BPI: variants seen among roughly 807,000 people sequenced by gnomAD.
BPI encodes the protein bactericidal permeability-increasing protein.
A neutral mutation model predicts 57.6 loss-of-function variants in BPI; 48 were observed. The ratio of observed to expected loss-of-function variants is 0.83; its 90% CI spans 0.66 to 1.06. The LOEUF is 1.06. Ranked by LOEUF, BPI falls within the 50% of genes least tolerant of loss-of-function variation. The probability of loss-of-function intolerance (pLI) is 0.00; values close to 1 mark genes in which losing one functional copy is unlikely to be tolerated. For synonymous variants in BPI, 237 were observed against 238.2 expected (o/e 0.99, Z 0.05); for missense variants, 651 against 609.7 (o/e 1.07, Z -0.71).
intron 5 of BPI, among the ~76,000 whole-genome samples, chr20:38,316,182 C>A (rs1763926754): frequency 1.3e-5 from 2 of 152,004 alleles, no homozygotes; most frequent in Admixed American, 1.3e-4. Flanking sequence ...CTCCTTTTCT[C>A]CCTTTCTTCC....
intron 12 of BPI, 96 bp downstream of exon 12, chr20:38,331,186 T>C: frequency 2.9e-6 from 4 of 1,393,478 alleles, no homozygotes; most frequent in Non-Finnish European, 4.0e-6. Context: ...AAGAGGCTAC[T>C]GGCTCATTTG....
At position 38,335,653 on chromosome 20, in the gene BPI, C is replaced by T. The variant is rs5743543; in HGVS notation, c.1392C>T (p.Asn464=). ...LPTPARVQLY[N]VVLQPHQNFL... Reference sequence around the variant, plus strand: ...CGCCGGCCAGAGTCCAGCTCTACAACGTAGTGCTTCAGCCTCACCAGGTGA... The same window carrying T: ...CGCCGGCCAGAGTCCAGCTCTACAATGTAGTGCTTCAGCCTCACCAGGTGA... The change falls in exon 14 of 15, where the codon AAC becomes AAT. Residue 464 remains asparagine, a synonymous_variant. Coordinates refer to ENST00000642449, the MANE Select transcript of BPI (RefSeq NM_001725.3). 4.5e-4 allele frequency: 724 copies of T among 1,614,138 alleles called. 7 individuals are homozygous for T. In the African/African-American group the frequency reaches 8.1e-3, roughly 18 times the overall value.
chr20:38,321,312 T>C (rs1411158960), intron 7 of BPI, among the ~76,000 whole-genome samples: 1 of 150,728 alleles, frequency 6.6e-6, no homozygotes, highest in Non-Finnish European at 1.5e-5. Context: ...GATGGATAGA[T>C]GGAGTTTTAT....
At chr20:38,306,395 A>G (rs1168711470) in intron 1 of BPI, among the ~76,000 whole-genome samples, 1 of 152,254 alleles carries the variant, frequency 6.6e-6, no homozygotes, top group Non-Finnish European at 1.5e-5. Flanking sequence ...TAAGGGACAC[A>G]CGAGTAAATA....
chr20:38,333,157 C>G (rs1447909661), intron 12 of BPI, among the ~76,000 whole-genome samples: 1 of 152,072 alleles, frequency 6.6e-6, no homozygotes, highest in Non-Finnish European at 1.5e-5. Flanking sequence ...GGACCAAATG[C>G]AACCTCACTG....
chr20:38,314,218 T>C, intron 5 of BPI, among the ~76,000 whole-genome samples: 1 of 144,502 alleles, frequency 6.9e-6, no homozygotes, highest in Non-Finnish European at 1.5e-5. Context: ...ATGATGATGG[T>C]GGTGATGGTA....
In BPI at chr20:38,304,218, G is replaced by C. The variant is rs199723457; in HGVS notation, c.-6G>C. On this transcript the variant is annotated 5_prime_UTR_variant, in exon 1 of 15. Coordinates refer to ENST00000642449, the MANE Select transcript of BPI (RefSeq NM_001725.3). Reference sequence around the variant, plus strand: ...GTTTTGGCAGCTCTGGAGGATGAGAGAGAACATGGCCAGGGGCCCTTGCAA... The same window carrying C: ...GTTTTGGCAGCTCTGGAGGATGAGACAGAACATGGCCAGGGGCCCTTGCAA... 1 of 1,614,032 alleles carries C rather than the reference G, an allele frequency of 6.2e-7. No individual in the cohort carries two copies. Among genetic ancestry groups the C allele is most frequent in the African/African-American group, 1.3e-5 (1 of 74,928 alleles).
chr20:38,316,541 A>T (rs553467130), intron 5 of BPI, among the ~76,000 whole-genome samples: 1 of 152,284 alleles, frequency 6.6e-6, no homozygotes, highest in South Asian at 2.1e-4. Flanking sequence ...ACAGATGCTG[A>T]GTCAGGGTTT....
rs1473820246 is a variant in BPI, at chr20:38,320,220, T to C, written c.702T>C (p.Tyr234=). The C allele has an allele frequency of 6.2e-7, 1 of 1,613,990 alleles. No homozygotes were observed. The highest frequency in any genetic ancestry group is 1.3e-5 in the African/African-American group (1 of 74,902). Residue 234 remains tyrosine (Y), a synonymous_variant, in exon 7 of 15, where the codon TAT becomes TAC. Coordinates refer to ENST00000642449, the MANE Select transcript of BPI (RefSeq NM_001725.3). ...TAGATTCTGTGGCTGGAATCAACTATGGTCTGGTGGCACCTCCAGCAACCA... is the reference window on the plus strand; with the variant it reads ...TAGATTCTGTGGCTGGAATCAACTACGGTCTGGTGGCACCTCCAGCAACCA... The part of the protein sequence containing the change: ...TKIDSVAGIN[Y]GLVAPPATTA...
rs1049240222 is a variant in BPI at position 38,318,388 on chromosome 20, T to G, written c.601-25T>G. The G allele has an allele frequency of 5.0e-6, 8 of 1,600,450 alleles. No homozygotes were observed. In the Admixed American group the frequency reaches 8.3e-5, roughly 17 times the overall value. Reference sequence around the variant, plus strand: ...ATTTTTCACTATGGGAAGACCTTACTGATTACTTGTTTGGTTCTCCCCAGG... The same window carrying G: ...ATTTTTCACTATGGGAAGACCTTACGGATTACTTGTTTGGTTCTCCCCAGG... On this transcript the variant is annotated intron_variant, in intron 5 of 14. Transcript: ENST00000642449.
At chr20:38,326,473 A>G (rs1277915307) in intron 10 of BPI, 41 bp downstream of exon 10, 2 of 1,571,464 alleles carry the variant, frequency 1.3e-6, no homozygotes, top group Admixed American at 1.8e-5. Context: ...AGCCCCAGAC[A>G]GTCCCAACAG....
intron 5 of BPI, among the ~76,000 whole-genome samples, chr20:38,314,865 TGATGG>T (rs2076644755): frequency 6.6e-6 from 1 of 151,450 alleles, no homozygotes; most frequent in African/African-American, 2.4e-5. Flanking sequence ...ATGATGATGA[TGATGG>T]TGATGGTGAT....
chr20:38,322,185 AT>A (rs199673897), intron 7 of BPI, among the ~76,000 whole-genome samples: 4 of 150,992 alleles, frequency 2.6e-5, no homozygotes, highest in East Asian at 1.9e-4. Context: ...TGGGCTTTCC[AT>A]TTTTTTTTCC....
chr20:38,328,892 G>T (rs1359245821), intron 11 of BPI, among the ~76,000 whole-genome samples: 2 of 151,982 alleles, frequency 1.3e-5, no homozygotes, highest in African/African-American at 4.8e-5. Context: ...TGGGGTCCCA[G>T]CTACTCGAGA....
chr20:38,305,408 T>G (rs1022183700), intron 1 of BPI, among the ~76,000 whole-genome samples: 1 of 152,026 alleles, frequency 6.6e-6, no homozygotes, highest in Admixed American at 6.6e-5. Context: ...CCAATCGGAG[T>G]GAGTTTTCTG....
intron 1 of BPI, 23 bp from the exon 2 acceptor site, chr20:38,307,544 T>C (rs1218693138): frequency 1.3e-6 from 2 of 1,566,246 alleles, no homozygotes; most frequent in South Asian, 2.3e-5. Context: ...CCTCTCACTG[T>C]CACCCCTGCC....
In BPI at chr20:38,318,449, C is replaced by T; in HGVS notation, c.637C>T (p.Leu213=). ...EKVTNSVSSE[L]QPYFQTLPVM... ...AGTGACCAATTCTGTATCCTCCGAGCTGCAACCTTATTTCCAGACTCTGCC... is the reference window on the plus strand; with the variant it reads ...AGTGACCAATTCTGTATCCTCCGAGTTGCAACCTTATTTCCAGACTCTGCC... Residue 213 remains leucine (L), a synonymous_variant, in exon 6 of 15, where the codon CTG becomes TTG. Coordinates refer to ENST00000642449, the MANE Select transcript of BPI (RefSeq NM_001725.3). 1 of 1,613,842 alleles carries T rather than the reference C, an allele frequency of 6.2e-7. No individual in the cohort carries two copies. The highest frequency in any genetic ancestry group is 8.5e-7 in the Non-Finnish European group (1 of 1,179,740).
chr20:38,306,597 A>G (rs1427449627), intron 1 of BPI, among the ~76,000 whole-genome samples: 2 of 152,214 alleles, frequency 1.3e-5, no homozygotes. Context: ...GAAGTGATGA[A>G]TGAGCTGACT....
At position 38,326,316 on chromosome 20, in the gene BPI, AC is replaced by A; in HGVS notation, c.1049del (p.Pro350ArgfsTer35). On this transcript the variant is annotated frameshift_variant, in exon 10 of 15. Coordinates refer to ENST00000642449, the MANE Select transcript of BPI (RefSeq NM_001725.3). LOFTEE classifies it high-confidence loss of function. ...MKIQIHVSAS[T>X]PPHLSVQPTG... ...GATACAGATCCATGTCTCAGCCTCC[AC>A]CCCGCCACACCTGTCTGTGCAGCCC... The A allele has an allele frequency of 6.3e-7, 1 of 1,584,520 alleles. No homozygotes were observed. Among genetic ancestry groups the A allele is most frequent in the Non-Finnish European group, 8.6e-7 (1 of 1,164,246 alleles).
Sources: allele counts gnomAD v4.1 joint callset (sites outside exome capture counted in the v4.1 genomes callset), GRCh38; gene constraint gnomAD v4.1.1; transcripts MANE v1.5; gene names NCBI Gene and HGNC (gene_info 2026-07-23, HGNC 2026-07-21).